Variants in KIAA0825 observed in about 807,000 individuals in gnomAD.
KIAA0825 encodes KIAA0825, also known as uncharacterized protein KIAA0825.
A neutral mutation model predicts 147.6 loss-of-function variants in KIAA0825; 119 were observed. The ratio of observed to expected loss-of-function variants is 0.81; its 90% CI spans 0.69 to 0.94. The LOEUF (loss-of-function observed/expected upper bound fraction) is 0.94. Among genes scored for constraint, KIAA0825 ranks in the 40% least tolerant of loss-of-function variants. The pLI, the probability that KIAA0825 is intolerant of heterozygous loss-of-function variation, is 0.00. For missense variants in KIAA0825, 1,381 were observed against 1,472.7 expected (o/e 0.94, Z 1.02); for synonymous variants, 470 against 518.1 (o/e 0.91, Z 1.26).
At chr5:94,276,973 G>C (rs1241359121) in intron 20 of KIAA0825, among the ~76,000 whole-genome samples, 4 of 152,040 alleles carry the variant, frequency 2.6e-5, no homozygotes, top group Non-Finnish European at 5.9e-5. Flanking sequence ...TAGCCCACTG[G>C]CAAGTTTGGA....
chr5:94,298,003 T>G (rs1778215260), intron 20 of KIAA0825, among the ~76,000 whole-genome samples: 1 of 149,134 alleles, frequency 6.7e-6, no homozygotes, highest in Non-Finnish European at 1.5e-5. Context: ...TCCCAGCACT[T>G]TGGGAGGCCA....
At chr5:94,313,105 T>C (rs1302990263) in intron 20 of KIAA0825, among the ~76,000 whole-genome samples, 1 of 151,700 alleles carries the variant, frequency 6.6e-6, no homozygotes, top group African/African-American at 2.4e-5. Context: ...TTGGAACAAA[T>C]GGCTTGTTAA....
intron 3 of KIAA0825, among the ~76,000 whole-genome samples, chr5:94,529,322 GTATATATCATATATA>G (rs1561268632): frequency 3.6e-5 from 5 of 138,970 alleles, no homozygotes; most frequent in South Asian, 2.2e-4. Context: ...TCATATATAT[GTATATATCATATATA>G]TGTATATATC....
chr5:94,428,287 A>G (rs1736352088), intron 14 of KIAA0825, among the ~76,000 whole-genome samples: 1 of 151,934 alleles, frequency 6.6e-6, no homozygotes, highest in African/African-American at 2.4e-5. Flanking sequence ...TTTTGATCCT[A>G]TCATGAAATT....
chr5:94,207,908 A>T (rs1772354268), intron 20 of KIAA0825, among the ~76,000 whole-genome samples: 1 of 152,216 alleles, frequency 6.6e-6, no homozygotes, highest in South Asian at 2.1e-4. Flanking sequence ...ATTAGTCTTA[A>T]GTTAGGCATA....
At chr5:94,456,788 A>T (rs1759173340) in intron 12 of KIAA0825, among the ~76,000 whole-genome samples, 1 of 152,224 alleles carries the variant, frequency 6.6e-6, no homozygotes, top group African/African-American at 2.4e-5. Flanking sequence ...AGATAACAAC[A>T]GTTAGAAATC....
At chr5:94,211,327 A>G (rs554752397) in intron 20 of KIAA0825, among the ~76,000 whole-genome samples, 1 of 152,278 alleles carries the variant, frequency 6.6e-6, no homozygotes, top group African/African-American at 2.4e-5. Flanking sequence ...GTTTCTCCAC[A>G]TGTTATAGAC....
intron 20 of KIAA0825, among the ~76,000 whole-genome samples, chr5:94,344,987 G>A (rs1270046174): frequency 6.6e-6 from 1 of 152,022 alleles, no homozygotes; most frequent in Non-Finnish European, 1.5e-5. Context: ...ATGGATGGTG[G>A]TAGTGATTAT....
intron 5 of KIAA0825, among the ~76,000 whole-genome samples, chr5:94,501,022 C>T (rs993491165): frequency 2.0e-5 from 3 of 152,144 alleles, no homozygotes; most frequent in African/African-American, 7.2e-5. Flanking sequence ...TCCGAAAGTG[C>T]TGGGATTACA....
intron 14 of KIAA0825, among the ~76,000 whole-genome samples, chr5:94,436,072 G>T (rs1342051330): frequency 6.6e-6 from 1 of 152,102 alleles, no homozygotes; most frequent in Non-Finnish European, 1.5e-5. Flanking sequence ...CCATTCTATA[G>T]GTTGTCTGTT....
intron 20 of KIAA0825, among the ~76,000 whole-genome samples, chr5:94,287,800 A>G (rs2150161848): frequency 6.6e-6 from 1 of 152,288 alleles, no homozygotes; most frequent in African/African-American, 2.4e-5. Flanking sequence ...TGAATTTTTA[A>G]GTGATCTTAC....
At chr5:94,444,281 C>T (rs1194205089) in intron 13 of KIAA0825, among the ~76,000 whole-genome samples, 1 of 152,128 alleles carries the variant, frequency 6.6e-6, no homozygotes, top group African/African-American at 2.4e-5. Flanking sequence ...AAAGTTATAG[C>T]TGCCATCTGG....
chr5:94,219,604 T>C (rs1286567516), intron 20 of KIAA0825, among the ~76,000 whole-genome samples: 1 of 152,206 alleles, frequency 6.6e-6, no homozygotes, highest in Non-Finnish European at 1.5e-5. Flanking sequence ...ACCTAGGTGG[T>C]AGAGCCTACT....
intron 20 of KIAA0825, among the ~76,000 whole-genome samples, chr5:94,319,006 T>C (rs563937095): frequency 6.6e-6 from 1 of 151,928 alleles, no homozygotes; most frequent in East Asian, 1.9e-4. Flanking sequence ...GTAAGGAAGA[T>C]ATATTTCTGT....
intron 20 of KIAA0825, among the ~76,000 whole-genome samples, chr5:94,331,114 A>C (rs1584140028): frequency 6.6e-6 from 1 of 151,690 alleles, no homozygotes; most frequent in East Asian, 1.9e-4. Flanking sequence ...CAGTCTGGGC[A>C]AAAGAGTGAG....
In KIAA0825 at chr5:94,556,319, G is replaced by A. The variant is rs1175214480; in HGVS notation, c.-1-19192C>T. ...GGTCTGGAAGTGATCCGCCTGCCTC[G>A]GCCTCCCAAAGTGCTGGGATTACAG... On this transcript the variant is annotated intron_variant, in intron 2 of 20. Coordinates refer to ENST00000682413, the MANE Select transcript of KIAA0825 (RefSeq NM_001145678.3). Among the ~76,000 whole-genome samples, 11 of 152,082 alleles carry A rather than the reference G, an allele frequency of 7.2e-5. No homozygotes were observed. In the East Asian group the frequency reaches 9.7e-4, roughly 13 times the overall value.
intron 2 of KIAA0825, among the ~76,000 whole-genome samples, chr5:94,554,715 ACTATATATATATATATATATATATAT>A (rs1400731906): frequency 2.7e-5 from 2 of 75,352 alleles, no homozygotes; most frequent in Non-Finnish European, 5.0e-5. Flanking sequence ...TGTTCTGTGT[ACTATATATATATATATATATATATAT>A]ATATATATAT....
intron 2 of KIAA0825, among the ~76,000 whole-genome samples, chr5:94,572,285 G>GT (rs1266827736): frequency 2.6e-5 from 4 of 152,216 alleles, no homozygotes; most frequent in African/African-American, 9.6e-5. Flanking sequence ...GGAGTTAGCT[G>GT]TACCTAACTG....
chr5:94,515,740 C>A (rs367575262), intron 5 of KIAA0825, among the ~76,000 whole-genome samples: 1 of 146,052 alleles, frequency 6.8e-6, no homozygotes, highest in Non-Finnish European at 1.5e-5. Context: ...TGCAGTGAGC[C>A]GAGATTGCGC....
Sources: gnomAD v4.1 joint callset for allele counts (sites outside exome capture counted in the v4.1 genomes callset) on GRCh38, gnomAD v4.1.1 for gene constraint, MANE v1.5 for transcripts, NCBI Gene and HGNC (gene_info 2026-07-23, HGNC 2026-07-21) for gene names.